Variants in BCL2 observed in about 807,000 individuals in gnomAD.
BCL2 encodes the protein BCL2 apoptosis regulator.
Under a neutral mutation model 14.2 loss-of-function variants are expected in BCL2, and 1 was observed. The observed-to-expected ratio is 0.07, with a 90% confidence interval of 0.02 to 0.33. BCL2 has a LOEUF of 0.33. Among genes scored for constraint, BCL2 ranks in the 10% least tolerant of loss-of-function variants. BCL2 has a pLI of 0.99. For synonymous variants in BCL2, 151 were observed against 137.2 expected (o/e 1.10, Z -0.70); for missense variants, 247 against 305.9 (o/e 0.81, Z 1.44).
intron 2 of BCL2, among the ~76,000 whole-genome samples, chr18:63,264,777 A>G (rs1911770094): frequency 1.3e-5 from 2 of 152,244 alleles, no homozygotes; most frequent in Non-Finnish European, 2.9e-5. Flanking sequence ...ACGAAGAGAT[A>G]GCCAAGAGAT....
chr18:63,195,461 G>A (rs1027954977), intron 2 of BCL2, among the ~76,000 whole-genome samples: 3 of 152,178 alleles, frequency 2.0e-5, no homozygotes, highest in Non-Finnish European at 4.4e-5. Flanking sequence ...GCTCACAACT[G>A]CTCACATCTG....
At chr18:63,306,471 C>G (rs757707460) in intron 2 of BCL2, among the ~76,000 whole-genome samples, 1 of 152,164 alleles carries the variant, frequency 6.6e-6, no homozygotes, top group Non-Finnish European at 1.5e-5. Context: ...TCTGACCCAC[C>G]CACTTGCACT....
At chr18:63,213,769 C>A (rs1910119534) in intron 2 of BCL2, among the ~76,000 whole-genome samples, 1 of 152,164 alleles carries the variant, frequency 6.6e-6, no homozygotes, top group Admixed American at 6.5e-5. Flanking sequence ...TATAGAGGCC[C>A]TTTGCTTGGT....
chr18:63,172,780 C>CAAAAACA lies in BCL2; in HGVS notation c.586-44028_586-44022dup, dbSNP rs1433950881. On this transcript the variant is annotated intron_variant, in intron 2 of 2. Transcript: ENST00000333681. ...TGGGCGACAGAGGAAGACTGTGTCT[C>CAAAAACA]AAAAACAAAAAACAAAAAACAAAAA... is the stretch of plus-strand genomic sequence containing the variant. Among the ~76,000 whole-genome samples the CAAAAACA allele has an allele frequency of 5.3e-5, 8 of 152,076 alleles. No individual in the cohort carries two copies. The East Asian group carries it at 5.8e-4, about 11-fold the overall frequency.
intron 2 of BCL2, among the ~76,000 whole-genome samples, chr18:63,193,864 C>T (rs1909365771): frequency 6.6e-6 from 1 of 151,892 alleles, no homozygotes; most frequent in African/African-American, 2.4e-5. Context: ...ACTAGTATGA[C>T]CTTAAGCAAG....
At chr18:63,266,925 C>T (rs56885061) in intron 2 of BCL2, among the ~76,000 whole-genome samples, 128 of 152,266 alleles carry the variant, frequency 8.4e-4, no homozygotes, top group African/African-American at 2.6e-3. Flanking sequence ...TAAGTCTACT[C>T]GGTTGGTCAA....
chr18:63,301,196 A>G (rs1317508053), intron 2 of BCL2, among the ~76,000 whole-genome samples: 1 of 152,214 alleles, frequency 6.6e-6, no homozygotes, highest in Non-Finnish European at 1.5e-5. Context: ...AGAAAATAGA[A>G]TAGTGGCTAC....
chr18:63,156,460 T>G (rs368256791), intron 2 of BCL2, among the ~76,000 whole-genome samples: 1 of 152,152 alleles, frequency 6.6e-6, no homozygotes, highest in Non-Finnish European at 1.5e-5. Flanking sequence ...ACCCGAAATG[T>G]CTCCAGGCCG....
chr18:63,238,047 A>T (rs1397794498), intron 2 of BCL2, among the ~76,000 whole-genome samples: 3 of 151,990 alleles, frequency 2.0e-5, no homozygotes, highest in African/African-American at 7.3e-5. Context: ...CCAGTAGAGG[A>T]TGCAATCACT....
chr18:63,251,388 C>A (rs1347214947), intron 2 of BCL2, among the ~76,000 whole-genome samples: 3 of 152,054 alleles, frequency 2.0e-5, no homozygotes, highest in Admixed American at 2.0e-4. Context: ...AAAAGAGTGA[C>A]TACCCAGCAC....
intron 2 of BCL2, among the ~76,000 whole-genome samples, chr18:63,305,201 A>C (rs1219733514): frequency 6.6e-6 from 1 of 152,222 alleles, no homozygotes; most frequent in African/African-American, 2.4e-5. Flanking sequence ...GAAACAAAAG[A>C]CTGCATTCCA....
intron 2 of BCL2, among the ~76,000 whole-genome samples, chr18:63,284,055 C>G (rs1912393892): frequency 6.6e-6 from 1 of 152,200 alleles, no homozygotes; most frequent in African/African-American, 2.4e-5. Context: ...ACACAGGGTA[C>G]CAGTGTGTCC....
At chr18:63,307,984 C>T (rs1913192610) in intron 2 of BCL2, among the ~76,000 whole-genome samples, 1 of 152,226 alleles carries the variant, frequency 6.6e-6, no homozygotes, top group South Asian at 2.1e-4. Flanking sequence ...AAACAGATGA[C>T]AACTGATGAG....
At position 63,128,670 on chromosome 18, in the gene BCL2, C is replaced by G. The variant is rs755841158; in HGVS notation, c.675G>C (p.Leu225=). The change falls in exon 3 of 3, where the codon CTG becomes CTC. Residue 225 remains leucine, a synonymous_variant. Coordinates refer to ENST00000333681, the MANE Select transcript of BCL2 (RefSeq NM_000633.3). ...CACCCAGGGTGATGCAAGCTCCCAC[C>G]AGGGCCAAACTGAGCAGAGTCTTCA... The part of the protein sequence containing the change: ...LSLKTLLSLA[L]VGACITLGAY... The G allele has an allele frequency of 1.3e-6, 1 of 781,024 alleles. No individual in the cohort carries two copies. The allele number at this position is 781,024 out of a possible 1,614,324, so 48.4% of individuals were successfully genotyped here.
At chr18:63,308,286 A>G (rs1913203382) in intron 2 of BCL2, among the ~76,000 whole-genome samples, 1 of 152,170 alleles carries the variant, frequency 6.6e-6, no homozygotes, top group African/African-American at 2.4e-5. Flanking sequence ...CGAGGGGATC[A>G]TTTATCCTTG....
chr18:63,192,120 A>G (rs1909306161), intron 2 of BCL2, among the ~76,000 whole-genome samples: 1 of 152,244 alleles, frequency 6.6e-6, no homozygotes, highest in African/African-American at 2.4e-5. Context: ...TTGACTGTAT[A>G]GAAATATTCA....
At chr18:63,308,007 G>C (rs932132776) in intron 2 of BCL2, among the ~76,000 whole-genome samples, 1 of 152,208 alleles carries the variant, frequency 6.6e-6, no homozygotes, top group Non-Finnish European at 1.5e-5. Context: ...ACAATGCTTT[G>C]AGTTTGCTTC....
At chr18:63,181,939 C>A (rs1052823597) in intron 2 of BCL2, among the ~76,000 whole-genome samples, 1 of 152,194 alleles carries the variant, frequency 6.6e-6, no homozygotes, top group African/African-American at 2.4e-5. Context: ...GGGGCAGGCA[C>A]ATCGTCCTTT....
intron 2 of BCL2, among the ~76,000 whole-genome samples, chr18:63,283,528 G>A (rs1158079416): frequency 4.6e-5 from 7 of 152,286 alleles, no homozygotes; most frequent in Middle Eastern, 3.4e-3. Context: ...GTGGCTAGCT[G>A]AGTACAAATG....
Sources: allele counts gnomAD v4.1 joint callset (sites outside exome capture counted in the v4.1 genomes callset), GRCh38; gene constraint gnomAD v4.1.1; transcripts MANE v1.5; gene names NCBI Gene and HGNC (gene_info 2026-07-23, HGNC 2026-07-21).